The following CACNB2 variants were observed in gnomAD, a reference collection of about 807,000 sequenced individuals.
CACNB2 encodes the protein voltage-dependent L-type calcium channel subunit beta-2.
CACNB2 carries 42 observed loss-of-function variants against 73.3 expected under a neutral mutation model. The ratio of observed to expected loss-of-function variants is 0.57; its 90% CI spans 0.45 to 0.74. The LOEUF is 0.74. Ranked by LOEUF, CACNB2 falls within the 30% of genes least tolerant of loss-of-function variation. The probability of loss-of-function intolerance (pLI) is 0.00; values close to 1 mark genes in which losing one functional copy is unlikely to be tolerated. For missense variants in CACNB2, 940 were observed against 853.0 expected (o/e 1.10, Z -1.27); for synonymous variants, 348 against 310.3 (o/e 1.12, Z -1.28).
At chr10:18,504,316 A>T (rs1411575337) in intron 5 of CACNB2, among the ~76,000 whole-genome samples, 1 of 152,240 alleles carries the variant, frequency 6.6e-6, no homozygotes, top group East Asian at 1.9e-4. Context: ...CACGCTGTAC[A>T]GACTTCCATG....
In CACNB2 at chr10:18,527,637, G is replaced by C. The variant is rs369543094; in HGVS notation, c.994G>C (p.Val332Leu). 1 of 1,613,948 alleles carries C rather than the reference G, an allele frequency of 6.2e-7. No homozygotes were observed. The highest frequency in any genetic ancestry group is 1.1e-5 in the South Asian group (1 of 91,076). ...TADISLAKRS[V>L]LNNPSKHAII... ...TGACATCTCGCTTGCCAAACGCTCG[G>C]TATTAAACAATCCCAGTAAGCACGC... The change falls in exon 10 of 14, where the codon GTA (valine) becomes CTA (leucine). Residue 332 changes from valine to leucine, a missense_variant. Transcript: ENST00000324631.
At chr10:18,440,066 C>T (rs773360809) in intron 3 of CACNB2, among the ~76,000 whole-genome samples, 20 of 152,104 alleles carry the variant, frequency 1.3e-4, no homozygotes, top group South Asian at 8.3e-4. Flanking sequence ...ATCAAGGCAC[C>T]GGTAGATTCA....
At chr10:18,518,467 G>A in intron 8 of CACNB2, 51 bp downstream of exon 8, 2 of 1,221,714 alleles carry the variant, frequency 1.6e-6, no homozygotes, top group Non-Finnish European at 2.4e-6. Context: ...GAACTTCTTT[G>A]TGATGCTGCC....
intron 2 of CACNB2, among the ~76,000 whole-genome samples, chr10:18,152,304 A>G (rs1377894247): frequency 6.6e-6 from 1 of 152,140 alleles, no homozygotes; most frequent in South Asian, 2.1e-4. Flanking sequence ...GTCCGTGCCA[A>G]TTGGGAATTG....
At chr10:18,179,602 GA>G (rs1461353435) in intron 2 of CACNB2, among the ~76,000 whole-genome samples, 1 of 144,788 alleles carries the variant, frequency 6.9e-6, no homozygotes, top group South Asian at 2.2e-4. Flanking sequence ...CAAATCAGCA[GA>G]TTTTTTTTTT....
At chr10:18,141,586 G>C (rs1179890053) in intron 1 of CACNB2, among the ~76,000 whole-genome samples, 2 of 152,052 alleles carry the variant, frequency 1.3e-5, no homozygotes, top group Non-Finnish European at 2.9e-5. Flanking sequence ...GAGTGTTTGC[G>C]GTTTCTGGAA....
At chr10:18,461,202 C>G (rs1232988461) in intron 3 of CACNB2, among the ~76,000 whole-genome samples, 1 of 152,226 alleles carries the variant, frequency 6.6e-6, no homozygotes, top group Non-Finnish European at 1.5e-5. Flanking sequence ...GCATGAGCCA[C>G]TGCGCCCTGC....
chr10:18,456,006 A>C (rs983767832), intron 3 of CACNB2, among the ~76,000 whole-genome samples: 3 of 152,192 alleles, frequency 2.0e-5, no homozygotes, highest in African/African-American at 7.2e-5. Context: ...ACCGGAAATA[A>C]GATATTTCCT....
At chr10:18,538,491 G>C in intron 13 of CACNB2, 126 bp downstream of exon 13, 2 of 761,910 alleles carry the variant, frequency 2.6e-6, no homozygotes, top group Non-Finnish European at 4.5e-6. Context: ...TTAACTCAAA[G>C]CAAGTCCAGC....
intron 3 of CACNB2, among the ~76,000 whole-genome samples, chr10:18,465,767 T>C (rs926700628): frequency 6.7e-4 from 102 of 151,868 alleles, no homozygotes; most frequent in Non-Finnish European, 1.1e-3. Flanking sequence ...CTGCAACCTC[T>C]GCCTCCCAGG....
intron 2 of CACNB2, among the ~76,000 whole-genome samples, chr10:18,151,975 C>G (rs1474923934): frequency 1.3e-5 from 2 of 152,140 alleles, no homozygotes; most frequent in African/African-American, 4.8e-5. Context: ...AGGACTGTTT[C>G]CTATAAATCC....
intron 3 of CACNB2, among the ~76,000 whole-genome samples, chr10:18,462,742 C>T (rs911410498): frequency 2.4e-4 from 37 of 151,548 alleles, no homozygotes; most frequent in African/African-American, 8.2e-4. Flanking sequence ...TTTTTACTTA[C>T]GTATTTTATT....
chr10:18,419,596 G>A lies in CACNB2; in HGVS notation c.333+17553G>A, dbSNP rs189492199. Reference sequence around the variant, plus strand: ...TCAAATGATCAAAAGTCCAATAAAGGTGTACCTGGAAAAGGGGTCTTGTCC... The same window carrying A: ...TCAAATGATCAAAAGTCCAATAAAGATGTACCTGGAAAAGGGGTCTTGTCC... On this transcript the variant is annotated intron_variant, in intron 3 of 13. Transcript: ENST00000324631. Among the ~76,000 whole-genome samples the A allele has an allele frequency of 5.4e-3, 827 of 152,286 alleles. 3 individuals are homozygous for A. Among genetic ancestry groups the A allele is most frequent in the Non-Finnish European group, 7.5e-3 (508 of 68,030 alleles).
intron 3 of CACNB2, among the ~76,000 whole-genome samples, chr10:18,472,965 A>G (rs1284482448): frequency 6.6e-6 from 1 of 152,254 alleles, no homozygotes; most frequent in African/African-American, 2.4e-5. Flanking sequence ...AAATTTGAGC[A>G]TCGCTGCTGT....
chr10:18,317,384 C>G (rs548081053), intron 2 of CACNB2, among the ~76,000 whole-genome samples: 8 of 152,090 alleles, frequency 5.3e-5, no homozygotes, highest in Admixed American at 3.3e-4. Flanking sequence ...GGTTTTTCAC[C>G]CTTTCCTACC....
chr10:18,442,245 G>A (rs1468044698), intron 3 of CACNB2, among the ~76,000 whole-genome samples: 1 of 151,924 alleles, frequency 6.6e-6, no homozygotes, highest in Non-Finnish European at 1.5e-5. Flanking sequence ...CGCCTCCTGG[G>A]TACCAGTGAT....
At chr10:18,195,190 C>A (rs148824184) in intron 2 of CACNB2, among the ~76,000 whole-genome samples, 143 of 152,238 alleles carry the variant, frequency 9.4e-4, no homozygotes, top group African/African-American at 3.3e-3. Context: ...AGTCATTAAA[C>A]AGTTGTTAGC....
intron 2 of CACNB2, among the ~76,000 whole-genome samples, chr10:18,324,353 G>A (rs1203791978): frequency 6.6e-6 from 1 of 152,182 alleles, no homozygotes; most frequent in Non-Finnish European, 1.5e-5. Flanking sequence ...AATATGGATT[G>A]GAGTTTGCCA....
chr10:18,316,708 C>T (rs191483208), intron 2 of CACNB2, among the ~76,000 whole-genome samples: 2 of 152,300 alleles, frequency 1.3e-5, no homozygotes, highest in East Asian at 3.9e-4. Flanking sequence ...GCAATCCACC[C>T]ACCTCAGCTT....
Sources: gnomAD v4.1 joint callset for allele counts (sites outside exome capture counted in the v4.1 genomes callset) on GRCh38, gnomAD v4.1.1 for gene constraint, MANE v1.5 for transcripts, NCBI Gene and HGNC (gene_info 2026-07-23, HGNC 2026-07-21) for gene names.